MPP7: variants seen among roughly 807,000 people sequenced by gnomAD.
The protein encoded by MPP7 is MAGUK p55 subfamily member 7.
Under a neutral mutation model 76.5 loss-of-function variants are expected in MPP7, and 60 were observed. The observed-to-expected ratio is 0.78, with a 90% CI of 0.64 to 0.97. The LOEUF (loss-of-function observed/expected upper bound fraction) is 0.97, where lower values mean the gene tolerates loss of function less well. MPP7 is among the 50% of genes least tolerant of loss of function. MPP7 has a pLI of 0.00. For missense variants in MPP7, 641 were observed against 694.0 expected (o/e 0.92, Z 0.86); for synonymous variants, 237 against 244.5 (o/e 0.97, Z 0.29).
At chr10:28,082,404 C>T (rs980269918) in intron 12 of MPP7, among the ~76,000 whole-genome samples, 2 of 151,656 alleles carry the variant, frequency 1.3e-5, no homozygotes, top group African/African-American at 4.8e-5. Flanking sequence ...CCCTTCTTCT[C>T]CTTCTCCTCC....
At chr10:28,166,082 C>T (rs867595003) in intron 3 of MPP7, among the ~76,000 whole-genome samples, 2 of 150,558 alleles carry the variant, frequency 1.3e-5, no homozygotes, top group African/African-American at 2.4e-5. Context: ...TGCTTATCTT[C>T]CAGGCAAACC....
intron 3 of MPP7, among the ~76,000 whole-genome samples, chr10:28,166,400 A>ATTT (rs34887665): frequency 5.4e-4 from 50 of 93,394 alleles, no homozygotes; most frequent in East Asian, 1.1e-3. Context: ...TTACCTTTTA[A>ATTT]TTTTTTTTTT....
At chr10:28,197,496 TC>T (rs1319817561) in intron 3 of MPP7, among the ~76,000 whole-genome samples, 1 of 152,050 alleles carries the variant, frequency 6.6e-6, no homozygotes, top group African/African-American at 2.4e-5. Flanking sequence ...CCTGAGCAAC[TC>T]CTATACCGAA....
At chr10:28,314,542 AG>A (rs777515797) in intron 2 of MPP7, among the ~76,000 whole-genome samples, 3 of 152,248 alleles carry the variant, frequency 2.0e-5, no homozygotes, top group Non-Finnish European at 4.4e-5. Context: ...TCTAGAATGA[AG>A]TCCAAACGAT....
intron 1 of MPP7, among the ~76,000 whole-genome samples, chr10:28,331,561 T>C (rs992966244): frequency 1.3e-5 from 2 of 152,002 alleles, no homozygotes; most frequent in African/African-American, 2.4e-5. Context: ...GTTTGTAGGG[T>C]TTTTAAAAAT....
upstream of MPP7, among the ~76,000 whole-genome samples, chr10:28,334,780 G>A (rs113603269): frequency 7.9e-4 from 121 of 152,228 alleles, no homozygotes; most frequent in African/African-American, 2.6e-3. Flanking sequence ...TTCTGGTTTA[G>A]GAAGACAGAC....
intron 13 of MPP7, among the ~76,000 whole-genome samples, chr10:28,066,734 C>T (rs1852002017): frequency 6.6e-6 from 1 of 152,136 alleles, no homozygotes; most frequent in African/African-American, 2.4e-5. Flanking sequence ...TGAATGTTGC[C>T]TTTATTGCAA....
chr10:28,331,562 T>C (rs1834470076), intron 1 of MPP7, among the ~76,000 whole-genome samples: 4 of 152,136 alleles, frequency 2.6e-5, no homozygotes, highest in Admixed American at 2.6e-4. Flanking sequence ...TTTGTAGGGT[T>C]TTTAAAAATT....
At chr10:28,126,917 C>A (rs1564645739) in intron 6 of MPP7, among the ~76,000 whole-genome samples, 1 of 152,132 alleles carries the variant, frequency 6.6e-6, no homozygotes. Flanking sequence ...AGACACTTGG[C>A]CAGCCCCCAA....
intron 11 of MPP7, among the ~76,000 whole-genome samples, chr10:28,113,488 T>C (rs561502175): frequency 3.7e-4 from 56 of 152,222 alleles, no homozygotes; most frequent in South Asian, 1.7e-3. Flanking sequence ...GCTATCTTGG[T>C]AGGAATAAAC....
At chr10:28,183,039 T>C (rs965254302) in intron 3 of MPP7, among the ~76,000 whole-genome samples, 2 of 152,154 alleles carry the variant, frequency 1.3e-5, no homozygotes, top group African/African-American at 2.4e-5. Flanking sequence ...GATCACGCCA[T>C]TGCATTCCAG....
In MPP7 at chr10:28,316,811, C is replaced by T. The variant is rs113797385; in HGVS notation, c.-132+13118G>A. ...AAGTTTTCAGCAGCTCTTTCCTGTACGGCGCTCGCTGCCTTTAACGTGACT... is the reference window on the plus strand; with the variant it reads ...AAGTTTTCAGCAGCTCTTTCCTGTATGGCGCTCGCTGCCTTTAACGTGACT... On this transcript the variant is annotated intron_variant, in intron 2 of 11. Coordinates refer to the MPP7 transcript ENST00000441595. Among the ~76,000 whole-genome samples, 4 of 152,300 alleles carry T rather than the reference C, an allele frequency of 2.6e-5. No individual in the cohort carries two copies. The South Asian group carries it at 6.2e-4, about 24-fold the overall frequency.
chr10:28,166,167 CT>C (rs1240384863), intron 3 of MPP7, among the ~76,000 whole-genome samples: 1 of 151,876 alleles, frequency 6.6e-6, no homozygotes, highest in Non-Finnish European at 1.5e-5. Flanking sequence ...CTAGTCAGAG[CT>C]TTTTTTCTAC....
intron 5 of MPP7, among the ~76,000 whole-genome samples, chr10:28,146,948 T>A (rs1835729489): frequency 6.6e-6 from 1 of 152,068 alleles, no homozygotes; most frequent in Non-Finnish European, 1.5e-5. Flanking sequence ...TAGGAGGCAA[T>A]GGAAAGGGAG....
intron 11 of MPP7, among the ~76,000 whole-genome samples, chr10:28,111,338 G>A (rs1269621522): frequency 6.6e-6 from 1 of 152,100 alleles, no homozygotes; most frequent in Non-Finnish European, 1.5e-5. Context: ...CTACATTTTA[G>A]GCTGCACTGC....
chr10:28,319,283 A>T (rs561509850), intron 2 of MPP7, among the ~76,000 whole-genome samples: 1 of 151,974 alleles, frequency 6.6e-6, no homozygotes, highest in Admixed American at 6.6e-5. Flanking sequence ...TGATCCAATC[A>T]CCTCCCACCA....
chr10:28,133,833 T>G (rs1315797580), intron 5 of MPP7, among the ~76,000 whole-genome samples: 1 of 152,170 alleles, frequency 6.6e-6, no homozygotes, highest in Admixed American at 6.5e-5. Flanking sequence ...TGAGTATTCA[T>G]TTTTCCCTAA....
At chr10:28,256,237 T>C (rs1170283027) in intron 1 of MPP7, among the ~76,000 whole-genome samples, 3 of 150,240 alleles carry the variant, frequency 2.0e-5, no homozygotes, top group South Asian at 2.1e-4. Context: ...ACACTTTCTA[T>C]ATAAAAGACC....
At position 28,110,097 on chromosome 10, in the gene MPP7, C is replaced by CT. The variant is rs1040119800; in HGVS notation, c.952+9553dup. ...TATATTTTCTTCTTTTTTCTTTTTT[C>CT]TTTTTTTTTTTGAGATGGAGTCTCA... is the stretch of plus-strand genomic sequence containing the variant. On this transcript the variant is annotated intron_variant, in intron 11 of 16. Coordinates refer to ENST00000683449, the MANE Select transcript of MPP7 (RefSeq NM_001318170.2). 2.5e-3 allele frequency among the ~76,000 whole-genome samples: 357 copies of CT among 142,652 alleles called. 1 individual carries two copies. Among genetic ancestry groups the CT allele is most frequent in the South Asian group, 8.2e-3 (37 of 4,508 alleles). 93.6% of individuals were successfully genotyped at this position (142,652 alleles called of 152,430 possible). A position where few individuals can be genotyped will look rare whatever the true frequency, so the allele number is the denominator to read the frequency against.
Sources: allele counts gnomAD v4.1 joint callset (sites outside exome capture counted in the v4.1 genomes callset), GRCh38; gene constraint gnomAD v4.1.1; transcripts MANE v1.5; gene names NCBI Gene and HGNC (gene_info 2026-07-23, HGNC 2026-07-21).